The following NUMB variants were observed in gnomAD, a reference collection of about 807,000 sequenced individuals.
The protein encoded by NUMB is protein numb homolog.
NUMB carries 29 observed loss-of-function variants against 59.7 expected under a neutral mutation model. The observed-to-expected ratio is 0.49, with a 90% CI of 0.36 to 0.66. NUMB has a LOEUF of 0.66. Ranked by LOEUF, NUMB falls within the 30% of genes least tolerant of loss-of-function variation. The pLI is 0.00. For synonymous variants in NUMB, 288 were observed against 288.2 expected (o/e 1.00, Z 0.01); for missense variants, 723 against 822.0 (o/e 0.88, Z 1.47).
intron 2 of NUMB, among the ~76,000 whole-genome samples, chr14:73,380,447 C>T (rs1339421080): frequency 2.6e-5 from 4 of 152,132 alleles, no homozygotes; most frequent in Admixed American, 1.3e-4. Flanking sequence ...GAGATAGTTA[C>T]ATGTCACACT....
intron 1 of NUMB, among the ~76,000 whole-genome samples, chr14:73,440,732 G>A (rs1018012778): frequency 6.7e-6 from 1 of 149,624 alleles, no homozygotes; most frequent in Non-Finnish European, 1.5e-5. Context: ...TCGAGAGGCT[G>A]AGGCAGAATA....
intron 2 of NUMB, among the ~76,000 whole-genome samples, chr14:73,389,870 A>ATGTGCACCACCT (rs1317940955): frequency 9.2e-5 from 14 of 152,204 alleles, no homozygotes; most frequent in Non-Finnish European, 1.9e-4. Flanking sequence ...CACACAGGTT[A>ATGTGCACCACCT]TGTGCACCAC....
At chr14:73,355,878 T>C in intron 3 of NUMB, 112 bp from the exon 4 acceptor site, 2 of 763,184 alleles carry the variant, frequency 2.6e-6, no homozygotes. Context: ...AGGTTTTGGG[T>C]TTTATTTAAG....
Position 73,276,994 on chromosome 14 carries a change from C to G in NUMB, c.1540G>C (p.Ala514Pro). The G allele has an allele frequency of 1.9e-6, 3 of 1,614,134 alleles. No individual in the cohort carries two copies. The highest frequency in any genetic ancestry group is 2.5e-6 in the Non-Finnish European group (3 of 1,180,030). The change falls in exon 13 of 13, where the codon GCC (alanine) becomes CCC (proline). Residue 514 changes from alanine (A) to proline (P), a missense_variant. Ala to Pro is a conservative substitution (Grantham distance 27). Coordinates refer to ENST00000555238, the MANE Select transcript of NUMB (RefSeq NM_001005743.2). The stretch of plus-strand genomic sequence containing the variant: ...GGGGCTGGATAGGGCATTCCATTGG[C>G]CACAGGATAGGACTGGGCAGGGACA... ...AFVPAQSYPV[A>P]NGMPYPAPNV...
chr14:73,326,913 C>G lies in NUMB; in HGVS notation c.127-3709G>C, dbSNP rs143968679. 3.0e-3 allele frequency among the ~76,000 whole-genome samples: 460 copies of G among 151,196 alleles called. 2 individuals carry two copies. Among genetic ancestry groups the G allele is most frequent in the Non-Finnish European group, 5.3e-3 (362 of 68,016 alleles). ...AGGTTCAGGAGTGCTGAAAAACTTT[C>G]CCAAAGTCATACACACAGCTAGTCA... is the stretch of plus-strand genomic sequence containing the variant. On this transcript the variant is annotated intron_variant, in intron 4 of 12. Transcript: ENST00000555238.
chr14:73,427,428 G>A (rs547720919), intron 1 of NUMB, among the ~76,000 whole-genome samples: 2 of 152,074 alleles, frequency 1.3e-5, no homozygotes, highest in East Asian at 1.9e-4. Context: ...TCGCGTCACC[G>A]TACTCCAGCT....
At chr14:73,312,958 C>T (rs1003507677) in intron 6 of NUMB, among the ~76,000 whole-genome samples, 1 of 151,384 alleles carries the variant, frequency 6.6e-6, no homozygotes, top group Non-Finnish European at 1.5e-5. Flanking sequence ...TTACTCTGAA[C>T]ATATTATTTT....
intron 12 of NUMB, among the ~76,000 whole-genome samples, chr14:73,278,055 A>AAAC (rs1888314808): frequency 1.3e-5 from 2 of 148,530 alleles, no homozygotes; most frequent in African/African-American, 2.5e-5. Flanking sequence ...CAAAAAAAAA[A>AAAC]AAAAAAAAAA....
intron 7 of NUMB, among the ~76,000 whole-genome samples, chr14:73,294,366 T>C (rs564115086): frequency 6.4e-4 from 97 of 152,074 alleles, no homozygotes; most frequent in Middle Eastern, 3.4e-3. Context: ...TCACCATACG[T>C]AGGTAATCAA....
intron 2 of NUMB, among the ~76,000 whole-genome samples, chr14:73,386,646 G>T (rs888194079): frequency 3.3e-5 from 5 of 151,908 alleles, no homozygotes; most frequent in African/African-American, 1.2e-4. Context: ...TTAACTACCA[G>T]GAAATTCTGA....
chr14:73,421,958 G>A (rs1392190559), intron 1 of NUMB, among the ~76,000 whole-genome samples: 6 of 151,974 alleles, frequency 3.9e-5, no homozygotes, highest in African/African-American at 9.7e-5. Context: ...GGCCAACATC[G>A]TGAAACCCCG....
chr14:73,392,416 T>C (rs1234912505), intron 2 of NUMB, among the ~76,000 whole-genome samples: 3 of 152,194 alleles, frequency 2.0e-5, no homozygotes, highest in Non-Finnish European at 4.4e-5. Flanking sequence ...TAGCTCTCCA[T>C]GATAACATTT....
intron 2 of NUMB, among the ~76,000 whole-genome samples, chr14:73,372,305 TTATATATATATATA>T (rs3028704): frequency 1.0e-4 from 9 of 85,984 alleles, no homozygotes; most frequent in East Asian, 4.0e-4. Context: ...TATATTTCTT[TTATATATATATATA>T]TATATATATA....
intron 3 of NUMB, among the ~76,000 whole-genome samples, chr14:73,357,438 T>G (rs1038509563): frequency 2.0e-5 from 3 of 149,338 alleles, no homozygotes; most frequent in Non-Finnish European, 4.4e-5. Context: ...AAGGAAATAC[T>G]GTTATATTCT....
At chr14:73,349,233 G>C (rs1348865322) in intron 4 of NUMB, among the ~76,000 whole-genome samples, 1 of 152,088 alleles carries the variant, frequency 6.6e-6, no homozygotes, top group African/African-American at 2.4e-5. Context: ...CTGAGGTCAG[G>C]CTGAGGTCAG....
chr14:73,398,830 T>C (rs1896272899), intron 2 of NUMB, among the ~76,000 whole-genome samples: 1 of 152,136 alleles, frequency 6.6e-6, no homozygotes, highest in African/African-American at 2.4e-5. Flanking sequence ...AACTTGGCAA[T>C]ATTTAGTGAA....
intron 2 of NUMB, among the ~76,000 whole-genome samples, 195 bp from the exon 3 acceptor site, chr14:73,367,176 A>C (rs1219335040): frequency 2.6e-5 from 4 of 151,720 alleles, no homozygotes; most frequent in African/African-American, 9.7e-5. Context: ...TAAGATCCAC[A>C]CACTAATGTA....
At chr14:73,319,074 G>GATC (rs1249927195) in intron 5 of NUMB, among the ~76,000 whole-genome samples, 1 of 152,104 alleles carries the variant, frequency 6.6e-6, no homozygotes, top group African/African-American at 2.4e-5. Flanking sequence ...AGGAGTTGGA[G>GATC]ATCAGCCTGG....
intron 6 of NUMB, chr14:73,297,500 G>A (rs566072996): frequency 6.2e-5 from 24 of 387,214 alleles, no homozygotes; most frequent in African/African-American, 2.9e-4. Flanking sequence ...GAAACACAAC[G>A]CAAAACAATA....
Sources: gnomAD v4.1 joint callset for allele counts (sites outside exome capture counted in the v4.1 genomes callset) on GRCh38, gnomAD v4.1.1 for gene constraint, MANE v1.5 for transcripts, NCBI Gene and HGNC (gene_info 2026-07-23, HGNC 2026-07-21) for gene names.